OSGIN2: variants seen among roughly 807,000 people sequenced by gnomAD.
OSGIN2 encodes oxidative stress induced growth inhibitor family member 2.
A neutral mutation model predicts 53.8 loss-of-function variants in OSGIN2; 19 were observed. The observed-to-expected ratio is 0.35, with a 90% CI of 0.25 to 0.52. OSGIN2 has a LOEUF of 0.52. Ranked by LOEUF, OSGIN2 falls within the 20% of genes least tolerant of loss-of-function variation. The probability of loss-of-function intolerance (pLI) is 0.95; values close to 1 mark genes in which losing one functional copy is unlikely to be tolerated. For synonymous variants in OSGIN2, 236 were observed against 236.0 expected, an observed-to-expected ratio of 1.00 and a Z score of 0.00; for missense variants, 520 against 662.7, an observed-to-expected ratio of 0.78 and a Z score of 2.36.
rs542202371 is a variant in OSGIN2, at chr8:89,927,433, T to G, written c.*1901T>G. 3.9e-5 allele frequency: 6 copies of G among 152,360 alleles called. No individual in the cohort carries two copies. The South Asian group carries it at 1.2e-3, about 32-fold the overall frequency. The allele number at this position is 152,360 out of a possible 1,614,324, so 9.4% of individuals were successfully genotyped here. A position where few individuals can be genotyped will look rare whatever the true frequency, so the allele number is the denominator to read the frequency against. On this transcript the variant is annotated 3_prime_UTR_variant, in exon 6 of 6. Transcript: ENST00000451899. Reference sequence around the variant, plus strand: ...GCTGTCCTGTGTAGTATATAACATTTGGGCATTTTCTCTGATATACTATAC... The same window carrying G: ...GCTGTCCTGTGTAGTATATAACATTGGGGCATTTTCTCTGATATACTATAC...
Position 89,902,801 on chromosome 8 carries a change from T to C in OSGIN2, c.8T>C (p.Val3Ala), listed in dbSNP as rs1293590085. The C allele has an allele frequency of 3.8e-6, 5 of 1,328,508 alleles. No individual in the cohort carries two copies. The highest frequency in any genetic ancestry group is 4.9e-6 in the Non-Finnish European group (5 of 1,018,194). The allele number at this position is 1,328,508 out of a possible 1,614,324, so 82.3% of individuals were successfully genotyped here. Residue 3 changes from valine (V) to alanine (A), a missense_variant, in exon 1 of 6, where the codon GTG (valine) becomes GCG (alanine). Physicochemically the swap from Val to Ala is moderately conservative, Grantham distance 64. Coordinates refer to ENST00000451899, the MANE Select transcript of OSGIN2 (RefSeq NM_001126111.3). ...CCCCTCGCGCAGCGCTCCATGCCCGTGTGGTGCTGCCGCTGCTCCCTGGCC... is the reference window on the plus strand; with the variant it reads ...CCCCTCGCGCAGCGCTCCATGCCCGCGTGGTGCTGCCGCTGCTCCCTGGCC... MPVWCCRCSLAGH... is the reference protein window; with the variant it reads MPAWCCRCSLAGH...
chr8:89,907,452 A>T (rs1185098218), intron 1 of OSGIN2, among the ~76,000 whole-genome samples: 1 of 152,150 alleles, frequency 6.6e-6, no homozygotes, highest in East Asian at 1.9e-4. Context: ...TGGTATAAGG[A>T]AGGTATCCAG....
chr8:89,915,715 C>A (rs936368522), intron 4 of OSGIN2, among the ~76,000 whole-genome samples: 3 of 152,214 alleles, frequency 2.0e-5, no homozygotes, highest in Admixed American at 6.5e-5. Context: ...ATATTACATA[C>A]CAAATTTTTA....
Position 89,902,615 on chromosome 8 carries a change from T to C in OSGIN2, c.-179T>C, listed in dbSNP as rs1255062028. The C allele has an allele frequency of 3.8e-5, 6 of 156,092 alleles. No individual in the cohort carries two copies. Among genetic ancestry groups the C allele is most frequent in the Non-Finnish European group, 8.4e-5 (6 of 71,666 alleles). 9.7% of individuals were successfully genotyped at this position (156,092 alleles called of 1,614,324 possible). On this transcript the variant is annotated 5_prime_UTR_variant, in exon 1 of 6. Transcript: ENST00000451899. ...CAGGCGAGGAGCGGAAGCCGCTATC[T>C]GGAGGCGGACTCCGGCGCCACAGAG...
intron 4 of OSGIN2, among the ~76,000 whole-genome samples, chr8:89,919,749 T>C (rs1256505474): frequency 6.6e-6 from 1 of 152,236 alleles, no homozygotes; most frequent in African/African-American, 2.4e-5. Context: ...GCTCTCTTTA[T>C]TAAGCTGCCA....
chr8:89,914,072 A>G lies in OSGIN2; in HGVS notation c.200-5A>G, dbSNP rs749117218. ...CTACCCCTTTCCACCTTTTATTTTTAATAGGAAATGGACCCTCAGGAATAT... is the reference window on the plus strand; with the variant it reads ...CTACCCCTTTCCACCTTTTATTTTTGATAGGAAATGGACCCTCAGGAATAT... On this transcript the variant is annotated splice_polypyrimidine_tract_variant and splice_region_variant and intron_variant, in intron 2 of 5. Transcript: ENST00000451899. The G allele has an allele frequency of 7.5e-6, 12 of 1,608,210 alleles. No homozygotes were observed. The highest frequency in any genetic ancestry group is 1.3e-5 in the African/African-American group (1 of 74,556).
At chr8:89,912,172 T>A (rs774931875) in intron 2 of OSGIN2, among the ~76,000 whole-genome samples, 2 of 152,250 alleles carry the variant, frequency 1.3e-5, no homozygotes, top group Non-Finnish European at 2.9e-5. Flanking sequence ...GATTAAATTT[T>A]TGAAAGGCAG....
rs1265733732 is a variant in OSGIN2 at position 89,902,804 on chromosome 8, G to A, written c.11G>A (p.Trp4Ter). Residue 4 changes from tryptophan (W) to a stop codon, truncating the protein, a stop_gained, in exon 1 of 6, where the codon TGG (tryptophan) becomes TAG (stop). Coordinates refer to ENST00000451899, the MANE Select transcript of OSGIN2 (RefSeq NM_001126111.3). LOFTEE classifies it high-confidence loss of function. MPV[W>*]CCRCSLAGHF... is the part of the protein sequence containing the mutation. The stretch of plus-strand genomic sequence containing the variant: ...CTCGCGCAGCGCTCCATGCCCGTGT[G>A]GTGCTGCCGCTGCTCCCTGGCCGGT... 1 of 1,351,764 alleles carries A rather than the reference G, an allele frequency of 7.4e-7. No individual in the cohort carries two copies. 83.7% of individuals were successfully genotyped at this position (1,351,764 alleles called of 1,614,324 possible).
chr8:89,906,585 C>A (rs1039896146), intron 1 of OSGIN2, among the ~76,000 whole-genome samples: 1 of 152,124 alleles, frequency 6.6e-6, no homozygotes, highest in Non-Finnish European at 1.5e-5. Context: ...CCAGCTCCAT[C>A]TATGTCCCTG....
intron 4 of OSGIN2, among the ~76,000 whole-genome samples, chr8:89,915,794 T>C (rs182895451): frequency 3.9e-5 from 6 of 152,340 alleles, no homozygotes; most frequent in Non-Finnish European, 8.8e-5. Context: ...TTTACGTTTA[T>C]AAAATGACTG....
intron 5 of OSGIN2, chr8:89,921,417 T>A (rs553030040): frequency 2.9e-5 from 11 of 373,542 alleles, no homozygotes; most frequent in African/African-American, 2.3e-4. Context: ...CATGGGTTTA[T>A]CTACTGTCTT....
At chr8:89,918,440 A>C (rs934758144) in intron 4 of OSGIN2, among the ~76,000 whole-genome samples, 8 of 152,182 alleles carry the variant, frequency 5.3e-5, no homozygotes, top group African/African-American at 1.7e-4. Flanking sequence ...CTGGGATTGC[A>C]GGTGTGTGCC....
At chr8:89,920,121 A>G (rs935116643) in intron 4 of OSGIN2, among the ~76,000 whole-genome samples, 2 of 152,156 alleles carry the variant, frequency 1.3e-5, no homozygotes, top group Non-Finnish European at 2.9e-5. Context: ...GATAGATAAT[A>G]CATTCTTAAC....
chr8:89,926,524 TAA>T lies in OSGIN2; in HGVS notation c.*994_*995del, dbSNP rs1235821881. ...AATTATTAAAGGTTAAAATAGAAAA[TAA>T]AGTCAGAATTTTTCTTTTCCATTCC... On this transcript the variant is annotated 3_prime_UTR_variant, in exon 6 of 6. Coordinates refer to ENST00000451899, the MANE Select transcript of OSGIN2 (RefSeq NM_001126111.3). 6.6e-6 allele frequency: 1 copy of T among 152,602 alleles called. No homozygotes were observed. 9.5% of individuals were successfully genotyped at this position (152,602 alleles called of 1,614,324 possible).
intron 4 of OSGIN2, among the ~76,000 whole-genome samples, chr8:89,917,664 T>C (rs1021749982): frequency 6.6e-6 from 1 of 152,238 alleles, no homozygotes; most frequent in African/African-American, 2.4e-5. Context: ...TTTTTTTCTT[T>C]CATGCTTAGA....
In OSGIN2 at chr8:89,926,808, T is replaced by C. The variant is rs1809343469; in HGVS notation, c.*1276T>C. 2 of 152,208 alleles carry C rather than the reference T, an allele frequency of 1.3e-5. No individual in the cohort carries two copies. Among genetic ancestry groups the C allele is most frequent in the Non-Finnish European group, 2.9e-5 (2 of 68,022 alleles). 9.4% of individuals were successfully genotyped at this position (152,208 alleles called of 1,614,324 possible). Reference sequence around the variant, plus strand: ...GGAATGTCTTCATTGAACTCGTTATTCTATTTTTCTTAGAATTAAAAGTGG... The same window carrying C: ...GGAATGTCTTCATTGAACTCGTTATCCTATTTTTCTTAGAATTAAAAGTGG... On this transcript the variant is annotated 3_prime_UTR_variant, in exon 6 of 6. Transcript: ENST00000451899.
intron 5 of OSGIN2, among the ~76,000 whole-genome samples, chr8:89,922,640 T>G (rs148227596): frequency 1.3e-5 from 2 of 152,346 alleles, no homozygotes; most frequent in Non-Finnish European, 2.9e-5. Context: ...TTCCGACTTA[T>G]GACTTCTAGT....
At chr8:89,902,915 G>T in intron 1 of OSGIN2, 78 bp downstream of exon 1, 1 of 1,059,290 alleles carries the variant, frequency 9.4e-7, no homozygotes, top group South Asian at 2.4e-5. Flanking sequence ...GCCCGGGCCG[G>T]GACCGGGGTG....
At chr8:89,920,493 T>TG (rs1221338077) in intron 4 of OSGIN2, among the ~76,000 whole-genome samples, 1 of 152,170 alleles carries the variant, frequency 6.6e-6, no homozygotes, top group Non-Finnish European at 1.5e-5. Flanking sequence ...CAAGGGAGCT[T>TG]GATGGCAAGC....
Sources: gnomAD v4.1 joint callset for allele counts (sites outside exome capture counted in the v4.1 genomes callset) on GRCh38, gnomAD v4.1.1 for gene constraint, MANE v1.5 for transcripts, NCBI Gene and HGNC (gene_info 2026-07-23, HGNC 2026-07-21) for gene names.